The following AGO2 variants were observed in gnomAD, a reference collection of about 807,000 sequenced individuals.
AGO2 encodes the protein argonaute RISC catalytic component 2.
A neutral mutation model predicts 102.3 loss-of-function variants in AGO2; 5 were observed. The ratio of observed to expected loss-of-function variants is 0.05; its 90% CI spans 0.03 to 0.10. The LOEUF (loss-of-function observed/expected upper bound fraction) is 0.10, where lower values mean the gene tolerates loss of function less well. Among genes scored for constraint, AGO2 ranks in the 10% least tolerant of loss-of-function variants. The pLI is 1.00. For synonymous variants in AGO2, 449 were observed against 473.1 expected (o/e 0.95, Z 0.66); for missense variants, 541 against 1,183.7 (o/e 0.46, Z 7.97).
chr8:140,574,985 T>C (rs1373522859), intron 2 of AGO2, among the ~76,000 whole-genome samples: 1 of 152,146 alleles, frequency 6.6e-6, no homozygotes, highest in African/African-American at 2.4e-5. Flanking sequence ...CTTTGCTTGG[T>C]CCACCTCCAA....
At chr8:140,628,344 C>T (rs149959936) in intron 1 of AGO2, among the ~76,000 whole-genome samples, 100 of 152,342 alleles carry the variant, frequency 6.6e-4, no homozygotes, top group Middle Eastern at 3.4e-3. Context: ...ATGAGGAGGA[C>T]GGCAGCCCCA....
intron 1 of AGO2, among the ~76,000 whole-genome samples, chr8:140,615,369 A>G (rs930391109): frequency 2.0e-5 from 3 of 152,242 alleles, no homozygotes; most frequent in Non-Finnish European, 4.4e-5. Context: ...CAGAGCAGAC[A>G]TAGTCAGCAC....
rs764928565 is a variant in AGO2, at chr8:140,539,443, G to A, written c.2046C>T (p.His682=). The A allele has an allele frequency of 3.4e-5, 55 of 1,613,430 alleles. No individual in the cohort carries two copies. Among genetic ancestry groups the A allele is most frequent in the Non-Finnish European group, 4.4e-5 (52 of 1,179,606 alleles). Residue 682 remains histidine, a synonymous_variant, in exon 16 of 19, where the codon CAC becomes CAT. Coordinates refer to ENST00000220592, the MANE Select transcript of AGO2 (RefSeq NM_012154.5). The surrounding 1 kb of genome is among the most constrained non-coding windows in gnomAD (Gnocchi z 4.7). The stretch of plus-strand genomic sequence containing the variant: ...AGGCCTCACGGATGGCCAGCAACTC[G>A]TGGTGGAGAACCTAGGGGTACGGGA... The part of the protein sequence containing the change: ...SEGQFQQVLH[H]ELLAIREACI...
At position 140,560,323 on chromosome 8, in the gene AGO2, C is replaced by A. The variant is rs751130765; in HGVS notation, c.655+51G>T. The A allele has an allele frequency of 2.5e-6, 4 of 1,586,008 alleles. No individual in the cohort carries two copies. The African/African-American group carries it at 4.0e-5, about 16-fold the overall frequency. On this transcript the variant is annotated intron_variant, in intron 5 of 18. Coordinates refer to ENST00000220592, the MANE Select transcript of AGO2 (RefSeq NM_012154.5). ...CCCCCCGACCGGGGTCCTGACCCCCCAGCCCATGCCCAACCCTGCCCTGCA... is the reference window on the plus strand; with the variant it reads ...CCCCCCGACCGGGGTCCTGACCCCCAAGCCCATGCCCAACCCTGCCCTGCA...
chr8:140,556,320 C>A, intron 8 of AGO2, 34 bp from the exon 9 acceptor site: 1 of 1,611,336 alleles, frequency 6.2e-7, no homozygotes, highest in Non-Finnish European at 8.5e-7. Context: ...GCCGTCAGTG[C>A]CGCACTGGAG....
rs1343197737 is a variant in AGO2, at chr8:140,532,572, T to C, written c.2315A>G (p.Asn772Ser). 5 of 1,614,140 alleles carry C rather than the reference T, an allele frequency of 3.1e-6. No homozygotes were observed. Among genetic ancestry groups the C allele is most frequent in the Non-Finnish European group, 3.4e-6 (4 of 1,180,052 alleles). Reference sequence around the variant, plus strand: ...CTGCAGCTCATCAGAGGAGAAACGATTGTCGTCCCAGAGGACGTGATAGTG... The same window carrying C: ...CTGCAGCTCATCAGAGGAGAAACGACTGTCGTCCCAGAGGACGTGATAGTG... ...PSHYHVLWDD[N>S]RFSSDELQIL... Residue 772 changes from asparagine (N) to serine (S), a missense_variant, in exon 18 of 19, where the codon AAT becomes AGT. By Grantham distance (46) the Asn-to-Ser change is conservative (BLOSUM62 1). Transcript: ENST00000220592.
intron 1 of AGO2, among the ~76,000 whole-genome samples, chr8:140,585,551 C>T (rs149402595): frequency 3.3e-5 from 5 of 152,332 alleles, no homozygotes; most frequent in Admixed American, 6.5e-5. Context: ...CTTCCTGTCT[C>T]AGACACTGGA....
At chr8:140,620,882 C>T (rs1162654701) in intron 1 of AGO2, among the ~76,000 whole-genome samples, 1 of 152,066 alleles carries the variant, frequency 6.6e-6, no homozygotes, top group African/African-American at 2.4e-5. Context: ...AAATTTTTCT[C>T]AAAGTTTGCA....
chr8:140,633,696 T>C (rs1276499139), intron 1 of AGO2, among the ~76,000 whole-genome samples: 2 of 152,208 alleles, frequency 1.3e-5, no homozygotes, highest in African/African-American at 2.4e-5. Context: ...GTCTGGGTTA[T>C]AGGGCTTGAA....
intron 1 of AGO2, among the ~76,000 whole-genome samples, chr8:140,619,618 C>T (rs1357911137): frequency 1.3e-5 from 2 of 152,308 alleles, no homozygotes; most frequent in East Asian, 1.9e-4. Context: ...TGGAAAGCAG[C>T]GATCCGACTG....
At chr8:140,636,001 C>G (rs893021388), upstream of AGO2, among the ~76,000 whole-genome samples, 17 of 149,946 alleles carry the variant, frequency 1.1e-4, no homozygotes, top group Non-Finnish European at 3.0e-5. Flanking sequence ...GGGGAGGAGC[C>G]GGGCCCCCCG....
At chr8:140,635,659 G>A (rs1376988296), upstream of AGO2, 3 of 354,138 alleles carry the variant, frequency 8.5e-6, no homozygotes, top group Non-Finnish European at 1.2e-5. Flanking sequence ...CCGGGGCGGC[G>A]GGCGGAGGCG....
intron 1 of AGO2, among the ~76,000 whole-genome samples, chr8:140,629,232 C>T (rs2074312235): frequency 6.6e-6 from 1 of 152,180 alleles, no homozygotes; most frequent in South Asian, 2.1e-4. Flanking sequence ...GCTCTGCCAG[C>T]CAATGTGTGA....
intron 5 of AGO2, 36 bp downstream of exon 5, chr8:140,560,338 C>A (rs944344178): frequency 6.2e-7 from 1 of 1,603,880 alleles, no homozygotes; most frequent in Non-Finnish European, 8.5e-7. Flanking sequence ...CATGCCCAAC[C>A]CTGCCCTGCA....
At chr8:140,631,041 A>G (rs2074334740) in intron 1 of AGO2, among the ~76,000 whole-genome samples, 1 of 152,160 alleles carries the variant, frequency 6.6e-6, no homozygotes, top group South Asian at 2.1e-4. Context: ...GCAACAGAGA[A>G]CAACCCCAAC....
At chr8:140,541,106 C>G in intron 15 of AGO2, 58 bp downstream of exon 15, 2 of 1,464,434 alleles carry the variant, frequency 1.4e-6, no homozygotes, top group Non-Finnish European at 1.8e-6. Flanking sequence ...TTCTGCTGCA[C>G]AAACAGGTGA....
intron 3 of AGO2, among the ~76,000 whole-genome samples, chr8:140,568,287 G>A (rs201804032): frequency 1.1e-4 from 14 of 132,072 alleles, no homozygotes; most frequent in South Asian, 2.4e-4. Flanking sequence ...ATGTCTGGGG[G>A]AAAAAAAAAA....
At chr8:140,537,884 T>C (rs2072724869) in intron 16 of AGO2, among the ~76,000 whole-genome samples, 1 of 152,230 alleles carries the variant, frequency 6.6e-6, no homozygotes, top group South Asian at 2.1e-4. Flanking sequence ...AGTAGCAAAA[T>C]GTTGGCTCAC....
In AGO2 at chr8:140,541,558, C is replaced by T. The variant is rs2072798925; in HGVS notation, c.1840-200G>A. 5.8e-6 allele frequency: 3 copies of T among 521,602 alleles called. No individual in the cohort carries two copies. In the East Asian group the frequency reaches 9.8e-5, roughly 17 times the overall value. 32.3% of individuals were successfully genotyped at this position (521,602 alleles called of 1,614,324 possible). A position where few individuals can be genotyped will look rare whatever the true frequency, so the allele number is the denominator to read the frequency against. On this transcript the variant is annotated intron_variant, in intron 14 of 18. Transcript: ENST00000220592. ...TGGCAATAGTGTTCGTAAATACGTA[C>T]TGAAGTACAAAAGTTTGCCAAGTTA...
Sources: allele counts gnomAD v4.1 joint callset (sites outside exome capture counted in the v4.1 genomes callset), GRCh38; gene constraint gnomAD v4.1.1; non-coding constraint Gnocchi (gnomAD v3.1); transcripts MANE v1.5; gene names NCBI Gene and HGNC (gene_info 2026-07-23, HGNC 2026-07-21).